Variants in CAMK1 observed in about 807,000 individuals in gnomAD.
CAMK1 encodes the protein calcium/calmodulin dependent protein kinase I, also known as calcium/calmodulin-dependent protein kinase type 1.
CAMK1 carries 39 observed loss-of-function variants against 49.1 expected under a neutral mutation model. The observed-to-expected ratio is 0.79, with a 90% confidence interval of 0.62 to 1.04. The LOEUF (loss-of-function observed/expected upper bound fraction) is 1.04. CAMK1 is among the 50% of genes least tolerant of loss of function. CAMK1 has a pLI of 0.00. For synonymous variants in CAMK1, 192 were observed against 185.2 expected (o/e 1.04, Z -0.30); for missense variants, 457 against 472.2 (o/e 0.97, Z 0.30).
Position 9,757,393 on chromosome 3 carries a change from C to T in CAMK1, c.*146G>A. 6.2e-7 allele frequency: 1 copy of T among 1,611,892 alleles called. No individual in the cohort carries two copies. ...ACAAGAAGGAACAATAAAATAGAAA[C>T]ATTTGTATGGAAAATGCAGTGAGGA... On this transcript the variant is annotated 3_prime_UTR_variant, in exon 12 of 12. Coordinates refer to ENST00000256460, the MANE Select transcript of CAMK1 (RefSeq NM_003656.5). This position sits in a 1 kb window ranked among gnomAD's most constrained non-coding sequence, Gnocchi z 4.5.
intron 1 of CAMK1, 154 bp from the exon 2 acceptor site, chr3:9,767,935 A>G: frequency 2.5e-6 from 2 of 791,990 alleles, no homozygotes; most frequent in Non-Finnish European, 3.1e-6. Context: ...TGTTTATTCA[A>G]CATTCAGCAA....
At chr3:9,760,520 G>T in intron 8 of CAMK1, 136 bp downstream of exon 8, 1 of 794,180 alleles carries the variant, frequency 1.3e-6, no homozygotes, top group Non-Finnish European at 2.1e-6. Context: ...GGGGTAGGGT[G>T]TCTGGTCTCG....
chr3:9,759,959 A>C, intron 8 of CAMK1: 1 of 647,676 alleles, frequency 1.5e-6, no homozygotes, highest in Non-Finnish European at 2.5e-6. Context: ...AGAAAAACAT[A>C]TGGCCGGGCA....
In CAMK1 at chr3:9,764,618, T is replaced by G. The variant is rs539871213; in HGVS notation, c.215+1141A>C. ...TGAGCCACTGCGCCTGGCGTTTTTG[T>G]TTTTTTTTTGTTTTTTTTTTTTTTT... On this transcript the variant is annotated intron_variant, in intron 3 of 11. Transcript: ENST00000256460. Among the ~76,000 whole-genome samples the G allele has an allele frequency of 1.0e-3, 106 of 103,234 alleles. 2 individuals are homozygous for G. The highest frequency in any genetic ancestry group is 1.4e-3 in the Non-Finnish European group (73 of 51,924). 67.7% of individuals were successfully genotyped at this position (103,234 alleles called of 152,430 possible). A position where few individuals can be genotyped will look rare whatever the true frequency, so the allele number is the denominator to read the frequency against.
At position 9,764,640 on chromosome 3, in the gene CAMK1, T is replaced by G. The variant is rs1344432073; in HGVS notation, c.215+1119A>C. The stretch of plus-strand genomic sequence containing the variant: ...TTGTTTTTTTTTTGTTTTTTTTTTT[T>G]TTTTTGAGATGGAGTTTTGCTCTTG... On this transcript the variant is annotated intron_variant, in intron 3 of 11. Transcript: ENST00000256460. Among the ~76,000 whole-genome samples, 15 of 148,864 alleles carry G rather than the reference T, an allele frequency of 1.0e-4. No homozygotes were observed. The East Asian group carries it at 1.8e-3, about 18-fold the overall frequency.
chr3:9,766,489 GA>G (rs1006026297), intron 2 of CAMK1: 389 of 332,578 alleles, frequency 1.2e-3, no homozygotes, highest in East Asian at 1.7e-3. Flanking sequence ...TCAAAAAAAA[GA>G]AAAAAAAAAG....
At chr3:9,765,980 TG>T in intron 2 of CAMK1, 90 bp from the exon 3 acceptor site, 1 of 1,614,188 alleles carries the variant, frequency 6.2e-7, no homozygotes. Context: ...CTGTGACCAC[TG>T]CTGGACCAAG....
At position 9,761,734 on chromosome 3, in the gene CAMK1, G is replaced by C; in HGVS notation, c.453C>G (p.Ser151Arg). The change falls in exon 6 of 12, where the codon AGC (serine) becomes AGG (arginine). Residue 151 changes from serine to arginine, a missense_variant. Ser to Arg is a moderately radical substitution (Grantham distance 110). Coordinates refer to ENST00000256460, the MANE Select transcript of CAMK1 (RefSeq NM_003656.5). ...TCATGATTTTGGAGTCTTCATCCAG[G>C]CTGTAGTACAGCAGATTCTCTGGCT... ...DLKPENLLYY[S>R]LDEDSKIMIS... 1 of 1,614,104 alleles carries C rather than the reference G, an allele frequency of 6.2e-7. No individual in the cohort carries two copies. Among genetic ancestry groups the C allele is most frequent in the Non-Finnish European group, 8.5e-7 (1 of 1,179,996 alleles).
intron 2 of CAMK1, 77 bp from the exon 3 acceptor site, chr3:9,765,967 G>T (rs890493476): frequency 6.2e-7 from 1 of 1,614,144 alleles, no homozygotes; most frequent in Non-Finnish European, 8.5e-7. Flanking sequence ...TTCCCTATGG[G>T]TTCTGTGACC....
chr3:9,769,592 C>T (rs1248206708), intron 1 of CAMK1, among the ~76,000 whole-genome samples: 1 of 152,192 alleles, frequency 6.6e-6, no homozygotes, highest in Non-Finnish European at 1.5e-5. Flanking sequence ...CAGTCAGGCC[C>T]AGCTGAAGGC....
chr3:9,769,547 C>CA (rs1559707999), intron 1 of CAMK1, among the ~76,000 whole-genome samples: 2 of 152,200 alleles, frequency 1.3e-5, no homozygotes, highest in African/African-American at 4.8e-5. Context: ...CAAGCCCCCC[C>CA]ACCCCATGGA....
chr3:9,757,564 G>A lies in CAMK1; in HGVS notation c.1088C>T (p.Ser363Phe). 2 of 1,614,066 alleles carry A rather than the reference G, an allele frequency of 1.2e-6. No individual in the cohort carries two copies. The highest frequency in any genetic ancestry group is 1.7e-6 in the Non-Finnish European group (2 of 1,179,986). Residue 363 changes from serine to phenylalanine, a missense_variant, in exon 12 of 12, where the codon TCC becomes TTC. Coordinates refer to ENST00000256460, the MANE Select transcript of CAMK1 (RefSeq NM_003656.5). The surrounding 1 kb of genome is among the most constrained non-coding windows in gnomAD (Gnocchi z 4.5). ...DCCVEPGTEL[S>F]PTLPHQL ...CTAGAGCTGGTGGGGCAGTGTGGGG[G>A]ACAGTTCTGTGCCCGGCTCCACGCA...
chr3:9,759,743 A>G lies in CAMK1; in HGVS notation c.753T>C (p.Asp251=). 1 of 1,614,120 alleles carries G rather than the reference A, an allele frequency of 6.2e-7. No individual in the cohort carries two copies. Among genetic ancestry groups the G allele is most frequent in the Non-Finnish European group, 8.5e-7 (1 of 1,180,030 alleles). Residue 251 remains aspartate (D), a synonymous_variant, in exon 9 of 12, where the codon GAT becomes GAC. Coordinates refer to ENST00000256460, the MANE Select transcript of CAMK1 (RefSeq NM_003656.5). ...CCTTCTCCATCAAGTGCCGGATGAAATCTTTGGCTAAACCCCCAAGACAAA... is the reference window on the plus strand; with the variant it reads ...CCTTCTCCATCAAGTGCCGGATGAAGTCTTTGGCTAAACCCCCAAGACAAA... ...YWDDISDSAK[D]FIRHLMEKDP...
Position 9,761,743 on chromosome 3 carries a change from C to T in CAMK1, c.444G>A (p.Leu148=), listed in dbSNP as rs753815172. 6.2e-7 allele frequency: 1 copy of T among 1,614,074 alleles called. No individual in the cohort carries two copies. Among genetic ancestry groups the T allele is most frequent in the Admixed American group, 1.7e-5 (1 of 60,016 alleles). The stretch of plus-strand genomic sequence containing the variant: ...TGGAGTCTTCATCCAGGCTGTAGTA[C>T]AGCAGATTCTCTGGCTTGAAGGGCA... ...VHRDLKPENL[L]YYSLDEDSKI... The change falls in exon 6 of 12, where the codon CTG becomes CTA. Residue 148 remains leucine, a synonymous_variant. Transcript: ENST00000256460.
intron 1 of CAMK1, 101 bp from the exon 2 acceptor site, chr3:9,767,882 C>T (rs2078198884): frequency 7.2e-7 from 1 of 1,397,196 alleles, no homozygotes; most frequent in African/African-American, 1.4e-5. Context: ...TTTATTCATC[C>T]TTGATTCATC....
chr3:9,760,426 CTA>C (rs2077799518), intron 8 of CAMK1: 2 of 473,308 alleles, frequency 4.2e-6, no homozygotes, highest in African/African-American at 3.9e-5. Context: ...TTCAAATAGA[CTA>C]TGTTTGAAGA....
chr3:9,768,032 A>G (rs1235894453), intron 1 of CAMK1, among the ~76,000 whole-genome samples: 1 of 152,156 alleles, frequency 6.6e-6, no homozygotes, highest in Non-Finnish European at 1.5e-5. Flanking sequence ...CATTTATTCT[A>G]GTTCTCTTCC....
intron 10 of CAMK1, chr3:9,759,144 A>C: frequency 6.8e-7 from 1 of 1,463,698 alleles, no homozygotes; most frequent in Non-Finnish European, 9.6e-7. Flanking sequence ...ATGGCTATAG[A>C]CATTATTCCG....
chr3:9,765,797 C>T lies in CAMK1; in HGVS notation c.177G>A (p.Lys59=). 13 of 1,614,096 alleles carry T rather than the reference C, an allele frequency of 8.1e-6. No homozygotes were observed. The highest frequency in any genetic ancestry group is 1.1e-5 in the Non-Finnish European group (13 of 1,179,984). ...KCIAKEALEG[K]EGSMENEIAV... ...CAATCTCATTCTCCATGCTGCCTTCCTTGCCCTCCAGGGCCTCCTTGGCAA... is the reference window on the plus strand; with the variant it reads ...CAATCTCATTCTCCATGCTGCCTTCTTTGCCCTCCAGGGCCTCCTTGGCAA... Residue 59 remains lysine, a synonymous_variant, in exon 3 of 12, where the codon AAG becomes AAA. Coordinates refer to ENST00000256460, the MANE Select transcript of CAMK1 (RefSeq NM_003656.5).
Sources: allele counts gnomAD v4.1 joint callset (sites outside exome capture counted in the v4.1 genomes callset), GRCh38; gene constraint gnomAD v4.1.1; non-coding constraint Gnocchi (gnomAD v3.1); transcripts MANE v1.5; gene names NCBI Gene and HGNC (gene_info 2026-07-23, HGNC 2026-07-21).